Variants in MBOAT2 observed in about 807,000 individuals in gnomAD.
MBOAT2 encodes membrane bound glycerophospholipid O-acyltransferase 2.
In MBOAT2, 28 loss-of-function variants were observed where a neutral mutation model predicts 63.4. The ratio of observed to expected loss-of-function variants is 0.44; its 90% confidence interval spans 0.33 to 0.61. The LOEUF (loss-of-function observed/expected upper bound fraction) is 0.61. Ranked by LOEUF, MBOAT2 falls within the 20% of genes least tolerant of loss-of-function variation. The probability of loss-of-function intolerance (pLI) is 0.03; values close to 1 mark genes in which losing one functional copy is unlikely to be tolerated. For synonymous variants in MBOAT2, 211 were observed against 215.6 expected (o/e 0.98, Z 0.19); for missense variants, 470 against 605.8 (o/e 0.78, Z 2.35).
intron 2 of MBOAT2, among the ~76,000 whole-genome samples, chr2:8,946,566 C>A (rs1353827355): frequency 6.6e-6 from 1 of 152,156 alleles, no homozygotes; most frequent in East Asian, 1.9e-4. Flanking sequence ...ATCGTGCCAG[C>A]CTCTTGGCAC....
intron 4 of MBOAT2, among the ~76,000 whole-genome samples, chr2:8,902,869 T>G (rs752768352): frequency 3.3e-5 from 5 of 152,190 alleles, no homozygotes; most frequent in Non-Finnish European, 7.3e-5. Flanking sequence ...CACAAGTGGG[T>G]TGCTGCTGCT....
At chr2:8,891,046 T>G (rs528614376) in intron 4 of MBOAT2, among the ~76,000 whole-genome samples, 2 of 152,384 alleles carry the variant, frequency 1.3e-5, no homozygotes, top group Admixed American at 6.5e-5. Flanking sequence ...GTGCCTTCAG[T>G]ACCTGGCACC....
chr2:8,969,646 G>A (rs895734356), intron 1 of MBOAT2, among the ~76,000 whole-genome samples: 179 of 152,206 alleles, frequency 1.2e-3, no homozygotes, highest in Non-Finnish European at 2.1e-3. Flanking sequence ...AGAGACACAC[G>A]TAGGCTCAAA....
rs550879340 is a variant in MBOAT2 at position 8,862,933 on chromosome 2, TTATTGGTATATATAGTATATA to T, written c.1053-232_1053-212del. On this transcript the variant is annotated intron_variant, in intron 10 of 12. Coordinates refer to ENST00000305997, the MANE Select transcript of MBOAT2 (RefSeq NM_138799.4). This position sits in a 1 kb window ranked among gnomAD's most constrained non-coding sequence, Gnocchi z 4.3. ...GAACATAAAGTTAATTCTCATCTTC[TTATTGGTATATATAGTATATA>T]TATTGGTATATATAGTAACTTAAAT... is the stretch of plus-strand genomic sequence containing the variant. 3.5e-3 allele frequency among the ~76,000 whole-genome samples: 534 copies of T among 152,296 alleles called. No individual in the cohort carries two copies. The highest frequency in any genetic ancestry group is 0.012 in the South Asian group (56 of 4,828).
intron 3 of MBOAT2, among the ~76,000 whole-genome samples, chr2:8,931,742 C>T (rs905097966): frequency 3.9e-5 from 6 of 151,976 alleles, no homozygotes; most frequent in African/African-American, 7.3e-5. Context: ...GTCTTTAATC[C>T]ATCTTCAGTT....
At chr2:8,920,060 TCAGA>T (rs1666468023) in intron 3 of MBOAT2, among the ~76,000 whole-genome samples, 1 of 152,112 alleles carries the variant, frequency 6.6e-6, no homozygotes, top group Admixed American at 6.6e-5. Flanking sequence ...GCTATCACAC[TCAGA>T]CAATTTTTTT....
intron 4 of MBOAT2, among the ~76,000 whole-genome samples, chr2:8,904,450 T>A (rs1025437764): frequency 1.1e-4 from 17 of 152,016 alleles, no homozygotes; most frequent in African/African-American, 4.1e-4. Flanking sequence ...TAGCTGGGAC[T>A]ACAGGCACAC....
At position 8,858,349 on chromosome 2, in the gene MBOAT2, C is replaced by T. The variant is rs1358234388; in HGVS notation, c.*330G>A. On this transcript the variant is annotated 3_prime_UTR_variant, in exon 13 of 13. Transcript: ENST00000305997. ...TTTCTCTCTATCATCCAGATTGACA[C>T]GATTATTTTTCCACCTCTTCAGTGC... 9.3e-6 allele frequency: 2 copies of T among 215,972 alleles called. No homozygotes were observed. The highest frequency in any genetic ancestry group is 1.8e-5 in the Non-Finnish European group (2 of 109,066). 13.4% of individuals were successfully genotyped at this position (215,972 alleles called of 1,614,324 possible).
At chr2:8,997,499 A>T (rs1290531430) in intron 1 of MBOAT2, among the ~76,000 whole-genome samples, 2 of 152,240 alleles carry the variant, frequency 1.3e-5, no homozygotes, top group African/African-American at 2.4e-5. Flanking sequence ...ACCGAACCCA[A>T]GCCTTGTATT....
intron 9 of MBOAT2, among the ~76,000 whole-genome samples, chr2:8,867,107 G>A (rs1160737947): frequency 6.6e-6 from 1 of 152,046 alleles, no homozygotes; most frequent in African/African-American, 2.4e-5. Context: ...AGGCTACAGT[G>A]CAAGTGGCAC....
chr2:8,919,991 C>T (rs1666461723), intron 3 of MBOAT2, among the ~76,000 whole-genome samples: 1 of 152,110 alleles, frequency 6.6e-6, no homozygotes, highest in South Asian at 2.1e-4. Context: ...GTCTCAAACT[C>T]CTGGCCTCAA....
Position 8,854,470 on chromosome 2 carries a change from G to A in MBOAT2, c.*4209C>T, listed in dbSNP as rs78046774. 518 of 152,266 alleles carry A rather than the reference G, an allele frequency of 3.4e-3. No homozygotes were observed. The highest frequency in any genetic ancestry group is 0.011 in the African/African-American group (477 of 41,542). The allele number at this position is 152,266 out of a possible 1,614,324, so 9.4% of individuals were successfully genotyped here. A position where few individuals can be genotyped will look rare whatever the true frequency, so the allele number is the denominator to read the frequency against. On this transcript the variant is annotated 3_prime_UTR_variant, in exon 13 of 13. Transcript: ENST00000305997. The stretch of plus-strand genomic sequence containing the variant: ...ATTTCAGCCAGGAAGAACTATTAAC[G>A]CCTGGATAAAACTCCACAAAATACT...
At chr2:8,977,296 T>A (rs1670886727) in intron 1 of MBOAT2, among the ~76,000 whole-genome samples, 1 of 152,160 alleles carries the variant, frequency 6.6e-6, no homozygotes. Context: ...TGATTGAGAT[T>A]ACTTTCCCTC....
At chr2:8,878,456 C>A (rs1662861071) in intron 6 of MBOAT2, among the ~76,000 whole-genome samples, 1 of 152,184 alleles carries the variant, frequency 6.6e-6, no homozygotes, top group South Asian at 2.1e-4. Context: ...ATATGATAAG[C>A]TCTCTCCTTA....
chr2:8,968,186 A>G (rs986739537), intron 1 of MBOAT2, among the ~76,000 whole-genome samples: 1 of 151,980 alleles, frequency 6.6e-6, no homozygotes, highest in East Asian at 1.9e-4. Flanking sequence ...CAAAGCTTCC[A>G]GAGGAACGAT....
chr2:8,998,139 G>A (rs1392778170), intron 1 of MBOAT2, among the ~76,000 whole-genome samples: 1 of 152,184 alleles, frequency 6.6e-6, no homozygotes, highest in Non-Finnish European at 1.5e-5. Context: ...CATAGAGGAG[G>A]AAACTCATTC....
chr2:8,907,759 A>C (rs954571185), intron 4 of MBOAT2, among the ~76,000 whole-genome samples: 2 of 152,206 alleles, frequency 1.3e-5, no homozygotes, highest in African/African-American at 4.8e-5. Flanking sequence ...CTGTGTAGTA[A>C]AATATACTTT....
intron 3 of MBOAT2, among the ~76,000 whole-genome samples, chr2:8,920,725 T>C (rs996101569): frequency 1.3e-5 from 2 of 152,222 alleles, no homozygotes; most frequent in African/African-American, 4.8e-5. Flanking sequence ...CAAGTGCAAC[T>C]GCAATTCTTT....
rs545468815 is a variant in MBOAT2 at position 8,853,307 on chromosome 2, T to C, written c.*5372A>G. On this transcript the variant is annotated 3_prime_UTR_variant, in exon 13 of 13. Transcript: ENST00000305997. ...TGTTCAATGTTTGATTCCTTTTTCC[T>C]TGTGATAAAGCCAGAGGCAAATGTA... 1 of 152,340 alleles carries C rather than the reference T, an allele frequency of 6.6e-6. No homozygotes were observed. The highest frequency in any genetic ancestry group is 1.9e-4 in the East Asian group (1 of 5,188). 9.4% of individuals were successfully genotyped at this position (152,340 alleles called of 1,614,324 possible). A position where few individuals can be genotyped will look rare whatever the true frequency, so the allele number is the denominator to read the frequency against.
Sources: allele counts gnomAD v4.1 joint callset (sites outside exome capture counted in the v4.1 genomes callset), GRCh38; gene constraint gnomAD v4.1.1; non-coding constraint Gnocchi (gnomAD v3.1); transcripts MANE v1.5; gene names NCBI Gene and HGNC (gene_info 2026-07-23, HGNC 2026-07-21).